RYR2: variants seen among roughly 807,000 people sequenced by gnomAD.
RYR2 encodes cardiac muscle ryanodine receptor-calcium release channel.
Under a neutral mutation model 601.1 loss-of-function variants are expected in RYR2, and 227 were observed. The ratio of observed to expected loss-of-function variants is 0.38; its 90% CI spans 0.34 to 0.42. The LOEUF (loss-of-function observed/expected upper bound fraction) is 0.42, where lower values mean the gene tolerates loss of function less well. Ranked by LOEUF, RYR2 falls within the 10% of genes least tolerant of loss-of-function variation. The probability of loss-of-function intolerance (pLI) is 1.00; values close to 1 mark genes in which losing one functional copy is unlikely to be tolerated. For synonymous variants in RYR2, 2,223 were observed against 2,175.1 expected (o/e 1.02, Z -0.61); for missense variants, 4,646 against 6,156.5 (o/e 0.75, Z 8.21).
intron 15 of RYR2, among the ~76,000 whole-genome samples, chr1:237,455,038 T>G: frequency 6.6e-6 from 1 of 152,264 alleles, no homozygotes; most frequent in East Asian, 1.9e-4. Context: ...CGGAGTAGGC[T>G]GAGCTCCAGG....
At chr1:237,702,206 A>G in intron 66 of RYR2, 147 bp downstream of exon 66, 1 of 577,336 alleles carries the variant, frequency 1.7e-6, no homozygotes, top group Non-Finnish European at 3.1e-6. Flanking sequence ...TAATTAGACA[A>G]TCTTTAAACA....
chr1:237,494,172 G>A (rs997847023), intron 19 of RYR2, among the ~76,000 whole-genome samples: 2 of 152,146 alleles, frequency 1.3e-5, no homozygotes, highest in African/African-American at 2.4e-5. Flanking sequence ...ATCACCAGGT[G>A]AAGTCCCACA....
intron 48 of RYR2, among the ~76,000 whole-genome samples, chr1:237,646,005 T>C (rs1187682290): frequency 6.6e-6 from 1 of 151,222 alleles, no homozygotes; most frequent in Non-Finnish European, 1.5e-5. Context: ...GCCTCCCGAG[T>C]AGCTGGGACT....
At chr1:237,506,914 T>G (rs532814379) in intron 23 of RYR2, 100 bp downstream of exon 23, 1 of 983,608 alleles carries the variant, frequency 1.0e-6, no homozygotes, top group East Asian at 2.7e-5. Flanking sequence ...ATCAATCAGT[T>G]AGTTGGATTG....
chr1:237,381,535 C>T (rs1316145718), intron 8 of RYR2, among the ~76,000 whole-genome samples: 1 of 152,172 alleles, frequency 6.6e-6, no homozygotes. Flanking sequence ...TGTCTATTGA[C>T]CGATGAGCGA....
At chr1:237,379,675 G>A (rs1463271481) in intron 8 of RYR2, among the ~76,000 whole-genome samples, 1 of 151,984 alleles carries the variant, frequency 6.6e-6, no homozygotes, top group East Asian at 1.9e-4. Context: ...TGTGGCCCAG[G>A]CTGGAGTACT....
At chr1:237,157,479 C>T (rs541943344) in intron 1 of RYR2, among the ~76,000 whole-genome samples, 1 of 152,174 alleles carries the variant, frequency 6.6e-6, no homozygotes, top group Non-Finnish European at 1.5e-5. Flanking sequence ...GATATGGAAT[C>T]AGTCTAAGTG....
chr1:237,492,528 T>C (rs930372102), intron 18 of RYR2, among the ~76,000 whole-genome samples: 1 of 152,148 alleles, frequency 6.6e-6, no homozygotes, highest in African/African-American at 2.4e-5. Context: ...GATGCTTGAT[T>C]CTGAAGGGGG....
intron 48 of RYR2, among the ~76,000 whole-genome samples, chr1:237,643,884 G>A (rs1007742484): frequency 1.3e-5 from 2 of 152,134 alleles, no homozygotes; most frequent in African/African-American, 4.8e-5. Flanking sequence ...AAAGTGCTGG[G>A]ATTACAGGTG....
intron 1 of RYR2, among the ~76,000 whole-genome samples, chr1:237,043,786 C>T (rs945439863): frequency 2.0e-5 from 3 of 152,160 alleles, no homozygotes; most frequent in African/African-American, 4.8e-5. Flanking sequence ...AACCACTTCC[C>T]GGTTACAGTT....
rs527515218 is a variant in RYR2 at position 237,665,955 on chromosome 1, A to G, written c.8437-557A>G. Among the ~76,000 whole-genome samples, 12 of 152,096 alleles carry G rather than the reference A, an allele frequency of 7.9e-5. No individual in the cohort carries two copies. In the East Asian group the frequency reaches 2.3e-3, roughly 29 times the overall value. ...AGGTAAGTGCCCAGGATGGTTAGTG[A>G]AACTTCCTTAAAATTGATAAAGAGG... On this transcript the variant is annotated intron_variant, in intron 56 of 104. Transcript: ENST00000366574.
intron 3 of RYR2, among the ~76,000 whole-genome samples, chr1:237,346,922 T>A (rs917832337): frequency 2.0e-5 from 3 of 152,218 alleles, no homozygotes; most frequent in Non-Finnish European, 4.4e-5. Flanking sequence ...AATTTAGTGC[T>A]TTGTATTTTT....
intron 1 of RYR2, among the ~76,000 whole-genome samples, chr1:237,233,014 C>A (rs1269197154): frequency 6.6e-6 from 1 of 152,168 alleles, no homozygotes; most frequent in African/African-American, 2.4e-5. Flanking sequence ...GACTGCATCA[C>A]CCACGGGATG....
At chr1:237,458,996 A>G (rs1659162683) in intron 16 of RYR2, among the ~76,000 whole-genome samples, 1 of 152,232 alleles carries the variant, frequency 6.6e-6, no homozygotes, top group African/African-American at 2.4e-5. Flanking sequence ...TTCTGAGAAC[A>G]GGACCAGGGA....
At position 237,614,539 on chromosome 1, in the gene RYR2, T is replaced by A. The variant is rs1411508789; in HGVS notation, c.5411T>A (p.Leu1804His). The A allele has an allele frequency of 6.2e-7, 1 of 1,614,056 alleles. No homozygotes were observed. Reference protein sequence around the residue: ...MLTEAVKEGSLHARDPVGGTT... With the variant: ...MLTEAVKEGSHHARDPVGGTT... ...ACAGAAGCTGTTAAAGAGGGCAGTCTTCATGCCCGGGACCCAGTTGGAGGG... is the reference window on the plus strand; with the variant it reads ...ACAGAAGCTGTTAAAGAGGGCAGTCATCATGCCCGGGACCCAGTTGGAGGG... Residue 1804 changes from leucine to histidine, a missense_variant, in exon 37 of 105, where the codon CTT (leucine) becomes CAT (histidine). Around this residue, in one of 17 missense-constraint regions of RYR2, gnomAD observed 1,807 missense variants for 2,088.1 expected, o/e 0.87. Transcript: ENST00000366574. This position sits in a 1 kb window ranked among gnomAD's most constrained non-coding sequence, Gnocchi z 4.3.
Position 237,586,776 on chromosome 1 carries a change from G to A in RYR2, c.3599-3017G>A, listed in dbSNP as rs544711301. Among the ~76,000 whole-genome samples, 13 of 152,028 alleles carry A rather than the reference G, an allele frequency of 8.6e-5. No individual in the cohort carries two copies. The South Asian group carries it at 2.5e-3, about 29-fold the overall frequency. On this transcript the variant is annotated intron_variant, in intron 29 of 104. Coordinates refer to ENST00000366574, the MANE Select transcript of RYR2 (RefSeq NM_001035.3). ...GCTCTGTCGCCCAGGCTGGTGTGTGGTGGTGCAATCTAGGCTCACTGCAAT... is the reference window on the plus strand; with the variant it reads ...GCTCTGTCGCCCAGGCTGGTGTGTGATGGTGCAATCTAGGCTCACTGCAAT...
chr1:237,264,870 A>AT (rs1343659035), intron 1 of RYR2, among the ~76,000 whole-genome samples: 198 of 142,096 alleles, frequency 1.4e-3, no homozygotes, highest in African/African-American at 3.2e-3. Flanking sequence ...TAATTTTTGT[A>AT]TTTTTTTTTT....
chr1:237,665,457 T>C (rs1176549414), intron 56 of RYR2, among the ~76,000 whole-genome samples: 1 of 149,924 alleles, frequency 6.7e-6, no homozygotes, highest in Non-Finnish European at 1.5e-5. Context: ...CAGAGTTTAA[T>C]TGAACAAAGA....
chr1:237,281,993 A>G (rs7535013), intron 2 of RYR2, among the ~76,000 whole-genome samples: 18,274 of 140,532 alleles, frequency 0.13, 1,760 homozygotes, highest in African/African-American at 0.36. Context: ...AGTATATACT[A>G]CAGAGTGCCT....
Sources: allele counts gnomAD v4.1 joint callset (sites outside exome capture counted in the v4.1 genomes callset), GRCh38; gene constraint gnomAD v4.1.1; regional missense constraint gnomAD v4.1.1; non-coding constraint Gnocchi (gnomAD v3.1); transcripts MANE v1.5; gene names NCBI Gene and HGNC (gene_info 2026-07-23, HGNC 2026-07-21).